Variants in NCKAP5 observed in about 807,000 individuals in gnomAD.
NCKAP5 encodes the protein NCK associated protein 5.
In NCKAP5, 92 loss-of-function variants were observed where a neutral mutation model predicts 167.0. That is an observed-to-expected ratio of 0.55 (90% confidence interval 0.47 to 0.66). The LOEUF (loss-of-function observed/expected upper bound fraction) is 0.66. NCKAP5 is among the 30% of genes least tolerant of loss of function. The pLI is 0.00. For synonymous variants in NCKAP5, 891 were observed against 877.4 expected, an observed-to-expected ratio of 1.02 and a Z score of -0.27; for missense variants, 2,378 against 2,315.0, an observed-to-expected ratio of 1.03 and a Z score of -0.56.
chr2:133,645,696 T>C, the NCKAP5 span, among the ~76,000 whole-genome samples: 25 of 152,272 alleles, frequency 1.6e-4, no homozygotes, highest in Admixed American at 7.2e-4. Context: ...AATACCTACA[T>C]GAAGACCTGA....
At chr2:133,326,556 C>A (rs1682468652) in intron 3 of NCKAP5, among the ~76,000 whole-genome samples, 1 of 151,872 alleles carries the variant, frequency 6.6e-6, no homozygotes, top group South Asian at 2.1e-4. Context: ...CCTGTAACAG[C>A]AGAGAACAGT....
At chr2:133,521,381 A>C (rs1684461533) in intron 2 of NCKAP5, among the ~76,000 whole-genome samples, 1 of 152,248 alleles carries the variant, frequency 6.6e-6, no homozygotes. Flanking sequence ...GAAAAACTAC[A>C]TTTCTAGTGC....
chr2:132,794,064 T>C (rs1395811766), intron 12 of NCKAP5, among the ~76,000 whole-genome samples: 2 of 151,242 alleles, frequency 1.3e-5, no homozygotes, highest in South Asian at 2.1e-4. Context: ...CTTGGGAAAA[T>C]TACTGAACCC....
At chr2:133,148,254 T>C (rs1000997272) in intron 5 of NCKAP5, among the ~76,000 whole-genome samples, 6 of 152,122 alleles carry the variant, frequency 3.9e-5, no homozygotes, top group Admixed American at 3.9e-4. Context: ...TCATATCAAC[T>C]TTTATTGGCT....
chr2:133,468,360 A>C (rs1008146542), intron 3 of NCKAP5, among the ~76,000 whole-genome samples: 1 of 147,392 alleles, frequency 6.8e-6, no homozygotes, highest in African/African-American at 2.6e-5. Flanking sequence ...GTTTGATTGC[A>C]CTGTGGTCTG....
At chr2:133,284,307 G>A (rs960673735) in intron 4 of NCKAP5, among the ~76,000 whole-genome samples, 4 of 152,088 alleles carry the variant, frequency 2.6e-5, no homozygotes, top group African/African-American at 7.2e-5. Flanking sequence ...ATAGAGTAGG[G>A]ATTAAGTTGA....
chr2:133,407,513 T>A (rs556204952), intron 3 of NCKAP5, among the ~76,000 whole-genome samples: 43 of 152,274 alleles, frequency 2.8e-4, no homozygotes, highest in Non-Finnish European at 5.6e-4. Flanking sequence ...AGGCAAGGAA[T>A]CCATTTTTGT....
intron 6 of NCKAP5, among the ~76,000 whole-genome samples, chr2:133,120,993 T>C (rs2082232604): frequency 6.6e-6 from 1 of 152,150 alleles, no homozygotes; most frequent in South Asian, 2.1e-4. Flanking sequence ...GCAAAGGTTA[T>C]TGGTGATTGT....
chr2:132,886,782 C>T, intron 8 of NCKAP5, among the ~76,000 whole-genome samples: 1 of 152,080 alleles, frequency 6.6e-6, no homozygotes, highest in Non-Finnish European at 1.5e-5. Flanking sequence ...CCAATTTATC[C>T]TATTACTACA....
At chr2:132,727,123 C>G (rs930136067) in intron 18 of NCKAP5, among the ~76,000 whole-genome samples, 1 of 152,098 alleles carries the variant, frequency 6.6e-6, no homozygotes, top group East Asian at 1.9e-4. Flanking sequence ...TAGTGCAGGA[C>G]GATGAGGAAG....
At chr2:133,225,779 CTTTTTTT>C (rs1003972708) in intron 4 of NCKAP5, among the ~76,000 whole-genome samples, 6 of 39,724 alleles carry the variant, frequency 1.5e-4, no homozygotes, top group East Asian at 7.2e-4. Context: ...ATGCCCTGTT[CTTTTTTT>C]TTTTTTTTTT....
intron 4 of NCKAP5, among the ~76,000 whole-genome samples, chr2:133,254,686 C>T (rs958400368): frequency 1.3e-5 from 2 of 152,080 alleles, no homozygotes; most frequent in African/African-American, 4.8e-5. Flanking sequence ...GGTATTAGGA[C>T]ACCAATTTAT....
intron 19 of NCKAP5, among the ~76,000 whole-genome samples, chr2:132,676,088 T>A (rs1040554657): frequency 6.6e-6 from 1 of 152,070 alleles, no homozygotes; most frequent in Non-Finnish European, 1.5e-5. Context: ...GATCTAGCTA[T>A]GCAGAAATGT....
chr2:133,123,149 A>T (rs918043804), intron 6 of NCKAP5: 1 of 152,364 alleles, frequency 6.6e-6, no homozygotes, highest in Admixed American at 6.5e-5. Context: ...CTACTCAAAA[A>T]CATATACCTC....
chr2:133,198,435 A>G (rs1327615682), intron 5 of NCKAP5, among the ~76,000 whole-genome samples: 1 of 152,142 alleles, frequency 6.6e-6, no homozygotes, highest in Non-Finnish European at 1.5e-5. Flanking sequence ...AACTCTAATG[A>G]CTGTAGGTTT....
At chr2:133,021,896 G>C (rs186959234) in intron 6 of NCKAP5, among the ~76,000 whole-genome samples, 1 of 152,292 alleles carries the variant, frequency 6.6e-6, no homozygotes, top group Non-Finnish European at 1.5e-5. Context: ...CTCCCAAAGT[G>C]CTGGGATTAC....
At chr2:132,771,908 G>T (rs940449403) in intron 16 of NCKAP5, among the ~76,000 whole-genome samples, 16 of 145,924 alleles carry the variant, frequency 1.1e-4, no homozygotes, top group Non-Finnish European at 3.0e-5. Flanking sequence ...AGCCAGAATG[G>T]TCTCAATCTC....
At chr2:133,026,696 G>T in intron 6 of NCKAP5, among the ~76,000 whole-genome samples, 1 of 152,154 alleles carries the variant, frequency 6.6e-6, no homozygotes, top group South Asian at 2.1e-4. Context: ...AAGTCTGTGC[G>T]CTGAAGCCTT....
At chr2:132,874,555 T>G (rs1393605732) in intron 9 of NCKAP5, among the ~76,000 whole-genome samples, 1 of 152,202 alleles carries the variant, frequency 6.6e-6, no homozygotes, top group Non-Finnish European at 1.5e-5. Context: ...ACTTCCACCC[T>G]TACTTAAAAT....
Sources: gnomAD v4.1 joint callset for allele counts (sites outside exome capture counted in the v4.1 genomes callset) on GRCh38, gnomAD v4.1.1 for gene constraint, MANE v1.5 for transcripts, NCBI Gene and HGNC (gene_info 2026-07-23, HGNC 2026-07-21) for gene names.